The following NTM variants were observed in gnomAD, a reference collection of about 807,000 sequenced individuals.
The protein encoded by NTM is IgLON family member 2.
Under a neutral mutation model 42.1 loss-of-function variants are expected in NTM, and 13 were observed. The observed-to-expected ratio is 0.31, with a 90% CI of 0.20 to 0.49. The LOEUF is 0.49. Among genes scored for constraint, NTM ranks in the 20% least tolerant of loss-of-function variants. NTM has a pLI of 0.99. For missense variants in NTM, 373 were observed against 452.8 expected, an observed-to-expected ratio of 0.82 and a Z score of 1.60; for synonymous variants, 187 against 179.2, an observed-to-expected ratio of 1.04 and a Z score of -0.35.
At chr11:131,802,765 C>A (rs1322150828) in intron 1 of NTM, among the ~76,000 whole-genome samples, 1 of 152,194 alleles carries the variant, frequency 6.6e-6, no homozygotes, top group Non-Finnish European at 1.5e-5. Flanking sequence ...ATAGTCAGAG[C>A]CTGAGAAACT....
intron 1 of NTM, among the ~76,000 whole-genome samples, chr11:131,605,263 T>C (rs1324958586): frequency 1.3e-5 from 2 of 152,236 alleles, no homozygotes; most frequent in Admixed American, 1.3e-4. Context: ...AGTGGAAGTT[T>C]TGCAATTATT....
chr11:132,178,244 G>A (rs1026494690), intron 3 of NTM, among the ~76,000 whole-genome samples: 4 of 152,156 alleles, frequency 2.6e-5, no homozygotes, highest in South Asian at 4.2e-4. Context: ...ATTGCTTGAT[G>A]AAACAACAAA....
intron 1 of NTM, among the ~76,000 whole-genome samples, chr11:131,608,017 T>A (rs1270371371): frequency 1.3e-5 from 2 of 152,188 alleles, no homozygotes; most frequent in African/African-American, 4.8e-5. Flanking sequence ...ACTCGTCATT[T>A]ACATTAGGTA....
chr11:132,090,213 C>T (rs1437516804), intron 2 of NTM, among the ~76,000 whole-genome samples: 1 of 152,106 alleles, frequency 6.6e-6, no homozygotes, highest in Non-Finnish European at 1.5e-5. Flanking sequence ...AAACCATGGG[C>T]TATATGTAGG....
intron 4 of NTM, among the ~76,000 whole-genome samples, chr11:132,248,797 C>T (rs143099048): frequency 2.6e-5 from 4 of 152,344 alleles, no homozygotes; most frequent in East Asian, 1.9e-4. Flanking sequence ...GAGACTCAGC[C>T]GTTGCTATGC....
chr11:131,875,642 A>G (rs2048423452), intron 1 of NTM, among the ~76,000 whole-genome samples: 1 of 152,240 alleles, frequency 6.6e-6, no homozygotes, highest in Non-Finnish European at 1.5e-5. Context: ...AGAAAGCAAA[A>G]GGATCCTTCA....
chr11:131,735,235 T>C (rs1342913416), intron 1 of NTM, among the ~76,000 whole-genome samples: 1 of 152,228 alleles, frequency 6.6e-6, no homozygotes, highest in Non-Finnish European at 1.5e-5. Context: ...TCCAAGGCAC[T>C]CTTCACAGCT....
At chr11:131,686,280 G>A (rs948659913) in intron 1 of NTM, among the ~76,000 whole-genome samples, 17 of 152,190 alleles carry the variant, frequency 1.1e-4, no homozygotes, top group Non-Finnish European at 2.5e-4. Context: ...AAAAATTTAA[G>A]TCCTAATAAT....
intron 1 of NTM, among the ~76,000 whole-genome samples, chr11:131,507,462 T>C (rs2047629827): frequency 6.6e-6 from 1 of 152,020 alleles, no homozygotes; most frequent in South Asian, 2.1e-4. Context: ...TACTGTAGCC[T>C]TGTAGTATAG....
At chr11:131,514,936 G>C (rs1451469777) in intron 1 of NTM, among the ~76,000 whole-genome samples, 1 of 151,946 alleles carries the variant, frequency 6.6e-6, no homozygotes, top group Non-Finnish European at 1.5e-5. Context: ...GAGAGACAAG[G>C]TCTTCCTCTG....
At chr11:131,945,342 C>T (rs944874667) in intron 2 of NTM, among the ~76,000 whole-genome samples, 1 of 152,178 alleles carries the variant, frequency 6.6e-6, no homozygotes, top group Non-Finnish European at 1.5e-5. Context: ...CTCCACAGCG[C>T]TCTCATATCT....
intron 4 of NTM, among the ~76,000 whole-genome samples, chr11:132,223,137 T>C (rs1379355968): frequency 6.6e-6 from 1 of 152,232 alleles, no homozygotes; most frequent in African/African-American, 2.4e-5. Context: ...GATTAACTTA[T>C]TTGTTCAGTA....
intron 3 of NTM, among the ~76,000 whole-genome samples, chr11:132,187,427 C>G (rs2078610457): frequency 1.3e-5 from 2 of 152,142 alleles, no homozygotes; most frequent in African/African-American, 4.8e-5. Context: ...GAAACGCCTG[C>G]TCAGTGTGCT....
chr11:132,077,857 T>C (rs933717140), intron 2 of NTM, among the ~76,000 whole-genome samples: 4 of 152,230 alleles, frequency 2.6e-5, no homozygotes, highest in African/African-American at 4.8e-5. Flanking sequence ...TGCCTCAGCC[T>C]CTGGAAGGGC....
intron 1 of NTM, among the ~76,000 whole-genome samples, chr11:131,756,803 C>A (rs1376395509): frequency 6.6e-6 from 1 of 152,152 alleles, no homozygotes; most frequent in African/African-American, 2.4e-5. Context: ...TTTACCTGAC[C>A]ATAACACATA....
intron 1 of NTM, among the ~76,000 whole-genome samples, chr11:131,769,097 G>A (rs571284332): frequency 6.6e-6 from 1 of 152,300 alleles, no homozygotes; most frequent in Admixed American, 6.5e-5. Context: ...AGCATGTGCT[G>A]CAGGCAGTTC....
intron 1 of NTM, among the ~76,000 whole-genome samples, chr11:131,801,172 A>T (rs932195803): frequency 6.6e-6 from 1 of 152,216 alleles, no homozygotes; most frequent in African/African-American, 2.4e-5. Flanking sequence ...AACTACTTTT[A>T]CCAAGTCAAG....
intron 2 of NTM, among the ~76,000 whole-genome samples, chr11:132,117,349 ACT>A (rs1159368310): frequency 6.6e-6 from 1 of 151,840 alleles, no homozygotes; most frequent in Non-Finnish European, 1.5e-5. Context: ...CAGACTGGAA[ACT>A]CTGAGCATGG....
chr11:132,235,681 G>A (rs1339952210), intron 4 of NTM, among the ~76,000 whole-genome samples: 2 of 152,076 alleles, frequency 1.3e-5, no homozygotes, highest in African/African-American at 4.8e-5. Context: ...CATAAGCATC[G>A]ACATCTGACA....
Sources: gnomAD v4.1 joint callset for allele counts (sites outside exome capture counted in the v4.1 genomes callset) on GRCh38, gnomAD v4.1.1 for gene constraint, MANE v1.5 for transcripts, NCBI Gene and HGNC (gene_info 2026-07-23, HGNC 2026-07-21) for gene names.